PDE1C: variants seen among roughly 807,000 people sequenced by gnomAD.
PDE1C encodes the protein dual specificity calcium/calmodulin-dependent 3',5'-cyclic nucleotide phosphodiesterase 1C.
A neutral mutation model predicts 93.1 loss-of-function variants in PDE1C; 62 were observed. The ratio of observed to expected loss-of-function variants is 0.67; its 90% CI spans 0.54 to 0.82. PDE1C has a LOEUF of 0.82. Ranked by LOEUF, PDE1C falls within the 40% of genes least tolerant of loss-of-function variation. PDE1C has a pLI of 0.00. For missense variants in PDE1C, 742 were observed against 884.6 expected (o/e 0.84, Z 2.04); for synonymous variants, 325 against 310.1 (o/e 1.05, Z -0.50).
chr7:32,214,590 C>T (rs73304676), intron 1 of PDE1C, among the ~76,000 whole-genome samples: 3,858 of 152,244 alleles, frequency 0.025, 92 homozygotes, highest in African/African-American at 0.066. Flanking sequence ...GGCAGGAGGA[C>T]ATGGCTTTGA....
chr7:31,673,470 T>C, the PDE1C span, among the ~76,000 whole-genome samples: 1 of 152,180 alleles, frequency 6.6e-6, no homozygotes, highest in Non-Finnish European at 1.5e-5. Flanking sequence ...ATATTAAGTA[T>C]AGATTAAGGG....
chr7:31,868,540 C>T (rs561735835), intron 6 of PDE1C, among the ~76,000 whole-genome samples: 13 of 152,146 alleles, frequency 8.5e-5, no homozygotes, highest in Non-Finnish European at 1.0e-4. Flanking sequence ...GCCTATGTGG[C>T]GAATGGACCA....
intron 7 of PDE1C, 142 bp downstream of exon 7, chr7:31,864,800 G>T (rs1237571612): frequency 5.2e-6 from 4 of 772,542 alleles, no homozygotes; most frequent in Non-Finnish European, 8.4e-6. Context: ...TTTCCATATT[G>T]GTTAGATTAC....
rs561974435 is a variant in PDE1C, at chr7:31,752,043, C to T, written c.*1341G>A. The T allele has an allele frequency of 1.3e-5, 2 of 152,290 alleles. No homozygotes were observed. Among genetic ancestry groups the T allele is most frequent in the African/African-American group, 4.8e-5 (2 of 41,560 alleles). The allele number at this position is 152,290 out of a possible 1,614,324, so 9.4% of individuals were successfully genotyped here. A position where few individuals can be genotyped will look rare whatever the true frequency, so the allele number is the denominator to read the frequency against. ...AACCAAAACCTACATTATCATTAAT[C>T]TTCAATACAAAGTGCAGAGTGTGTA... On this transcript the variant is annotated 3_prime_UTR_variant, in exon 18 of 18. Coordinates refer to ENST00000396191, the MANE Select transcript of PDE1C (RefSeq NM_001191057.4).
At chr7:32,185,909 T>C (rs1803816590) in intron 2 of PDE1C, among the ~76,000 whole-genome samples, 1 of 152,244 alleles carries the variant, frequency 6.6e-6, no homozygotes, top group Admixed American at 6.5e-5. Flanking sequence ...CAAGTTTCAC[T>C]GGACCGTGCT....
intron 1 of PDE1C, among the ~76,000 whole-genome samples, chr7:32,254,907 G>A (rs1240929373): frequency 1.3e-5 from 2 of 152,274 alleles, no homozygotes; most frequent in East Asian, 3.9e-4. Flanking sequence ...TCACTCAGTA[G>A]ACAATGGCTG....
intron 9 of PDE1C, among the ~76,000 whole-genome samples, chr7:31,846,631 G>T (rs1792644866): frequency 6.6e-6 from 1 of 152,126 alleles, no homozygotes; most frequent in Non-Finnish European, 1.5e-5. Context: ...TGACAAATGG[G>T]ATGTAATTAA....
At chr7:31,948,476 A>G (rs1293018765) in intron 2 of PDE1C, among the ~76,000 whole-genome samples, 1 of 149,752 alleles carries the variant, frequency 6.7e-6, no homozygotes, top group Non-Finnish European at 1.5e-5. Context: ...CATTTTATTG[A>G]TCTCATTTGG....
intron 15 of PDE1C, among the ~76,000 whole-genome samples, chr7:31,814,104 A>G (rs1157706294): frequency 6.6e-6 from 1 of 151,802 alleles, no homozygotes; most frequent in Non-Finnish European, 1.5e-5. Flanking sequence ...ACACACACAT[A>G]TATCACAATT....
intron 3 of PDE1C, among the ~76,000 whole-genome samples, chr7:32,112,802 ATATGTGTGTGTGTGTGTGTG>A (rs1288578109): frequency 1.1e-4 from 11 of 98,630 alleles, no homozygotes; most frequent in Non-Finnish European, 1.5e-4. Flanking sequence ...ATATATACAT[ATATGTGTGTGTGTGTGTGTG>A]TGTGTGTGTG....
chr7:32,377,676 T>C (rs1784455729), intron 1 of PDE1C, among the ~76,000 whole-genome samples: 1 of 152,178 alleles, frequency 6.6e-6, no homozygotes, highest in African/African-American at 2.4e-5. Flanking sequence ...TACAGGTTAC[T>C]ATTATTGTTC....
intron 1 of PDE1C, among the ~76,000 whole-genome samples, chr7:32,311,027 G>A (rs1293493832): frequency 1.3e-5 from 2 of 152,114 alleles, no homozygotes; most frequent in Non-Finnish European, 2.9e-5. Flanking sequence ...AAGAAGAAAA[G>A]AGAGAAGAAT....
chr7:32,049,387 T>TTTG (rs750863678), intron 2 of PDE1C, among the ~76,000 whole-genome samples: 2 of 152,116 alleles, frequency 1.3e-5, no homozygotes, highest in Non-Finnish European at 2.9e-5. Context: ...CCCACTTTAT[T>TTTG]TTGTTGTTGT....
At chr7:31,833,651 A>G (rs1790702517) in intron 11 of PDE1C, among the ~76,000 whole-genome samples, 1 of 152,178 alleles carries the variant, frequency 6.6e-6, no homozygotes, top group Non-Finnish European at 1.5e-5. Context: ...CCTGCCCTAG[A>G]GATCTGTGGA....
the PDE1C span, among the ~76,000 whole-genome samples, chr7:31,683,580 C>T: frequency 6.6e-6 from 1 of 152,100 alleles, no homozygotes; most frequent in African/African-American, 2.4e-5. Flanking sequence ...GCTCACTCTC[C>T]TCTCTAAGAG....
chr7:32,333,486 T>C (rs981628821), intron 1 of PDE1C, among the ~76,000 whole-genome samples: 4 of 152,196 alleles, frequency 2.6e-5, no homozygotes, highest in African/African-American at 9.7e-5. Flanking sequence ...TATTTTATCA[T>C]CACACTTGGT....
chr7:31,641,581 A>G, the PDE1C span, among the ~76,000 whole-genome samples: 2 of 152,192 alleles, frequency 1.3e-5, no homozygotes, highest in Non-Finnish European at 2.9e-5. Flanking sequence ...CTACAGATAG[A>G]TTTAACATTT....
chr7:31,902,160 A>G (rs940272339), intron 2 of PDE1C, among the ~76,000 whole-genome samples: 1 of 151,596 alleles, frequency 6.6e-6, no homozygotes, highest in Admixed American at 6.6e-5. Flanking sequence ...ATTTAAAATT[A>G]TATTAGGACA....
At chr7:32,150,604 G>A (rs191362224) in intron 3 of PDE1C, among the ~76,000 whole-genome samples, 13 of 152,338 alleles carry the variant, frequency 8.5e-5, no homozygotes, top group Admixed American at 2.6e-4. Flanking sequence ...TCTGAGGCCA[G>A]ACTACAGGGG....
Sources: allele counts gnomAD v4.1 joint callset (sites outside exome capture counted in the v4.1 genomes callset), GRCh38; gene constraint gnomAD v4.1.1; transcripts MANE v1.5; gene names NCBI Gene and HGNC (gene_info 2026-07-23, HGNC 2026-07-21).